The following KLF12 variants were observed in gnomAD, a reference collection of about 807,000 sequenced individuals.
The protein encoded by KLF12 is KLF transcription factor 12, also known as Krueppel-like factor 12.
Under a neutral mutation model 37.8 loss-of-function variants are expected in KLF12, and 9 were observed. That is an observed-to-expected ratio of 0.24 (90% confidence interval 0.14 to 0.42). The LOEUF (loss-of-function observed/expected upper bound fraction) is 0.42. KLF12 is among the 10% of genes least tolerant of loss of function. The probability of loss-of-function intolerance (pLI) is 1.00; values close to 1 mark genes in which losing one functional copy is unlikely to be tolerated. For missense variants in KLF12, 411 were observed against 516.0 expected (o/e 0.80, Z 1.97); for synonymous variants, 208 against 202.1 (o/e 1.03, Z -0.25).
intron 2 of KLF12, among the ~76,000 whole-genome samples, chr13:73,956,321 TAGAG>T (rs1336439984): frequency 1.3e-5 from 2 of 152,182 alleles, no homozygotes; most frequent in South Asian, 2.1e-4. Flanking sequence ...ATGTTGCCAA[TAGAG>T]AGAGTATATT....
chr13:74,109,146 G>A (rs1486203471), intron 1 of KLF12, among the ~76,000 whole-genome samples: 2 of 152,020 alleles, frequency 1.3e-5, no homozygotes, highest in African/African-American at 4.8e-5. Context: ...TGATAAAACA[G>A]ATAAATCATC....
intron 6 of KLF12, among the ~76,000 whole-genome samples, chr13:73,754,137 T>C (rs1317509912): frequency 6.6e-6 from 1 of 152,136 alleles, no homozygotes; most frequent in Non-Finnish European, 1.5e-5. Context: ...TAGTGCCCCC[T>C]GGGGTTGTGC....
the KLF12 span, among the ~76,000 whole-genome samples, chr13:74,300,318 T>C: frequency 1.3e-5 from 2 of 152,290 alleles, no homozygotes; most frequent in African/African-American, 4.8e-5. Context: ...TCTTGATTGC[T>C]GGCATATTTC....
chr13:74,263,208 G>A, the KLF12 span, among the ~76,000 whole-genome samples: 2 of 152,112 alleles, frequency 1.3e-5, no homozygotes, highest in African/African-American at 4.8e-5. Context: ...AAAAAATAAT[G>A]TAATGCTCCT....
chr13:73,689,020 G>C lies in KLF12; in HGVS notation c.*6470C>G, dbSNP rs76285113. 6.6e-6 allele frequency: 1 copy of C among 152,016 alleles called. No individual in the cohort carries two copies. Among genetic ancestry groups the C allele is most frequent in the African/African-American group, 2.4e-5 (1 of 41,382 alleles). 9.4% of individuals were successfully genotyped at this position (152,016 alleles called of 1,614,324 possible). A position where few individuals can be genotyped will look rare whatever the true frequency, so the allele number is the denominator to read the frequency against. On this transcript the variant is annotated 3_prime_UTR_variant, in exon 8 of 8. Coordinates refer to ENST00000377669, the MANE Select transcript of KLF12 (RefSeq NM_007249.5). Reference sequence around the variant, plus strand: ...AAATGTTGTACAGGTTGCAGGTAACGTATCTAAAAATTGCCTAGTCTATTG... The same window carrying C: ...AAATGTTGTACAGGTTGCAGGTAACCTATCTAAAAATTGCCTAGTCTATTG...
chr13:74,028,769 G>A (rs1038279738), intron 1 of KLF12, among the ~76,000 whole-genome samples: 5 of 151,862 alleles, frequency 3.3e-5, no homozygotes, highest in Non-Finnish European at 7.4e-5. Context: ...ATGTGTAAGA[G>A]AAGGAAGACA....
chr13:74,010,019 G>A (rs776665636), intron 1 of KLF12, among the ~76,000 whole-genome samples: 4 of 150,250 alleles, frequency 2.7e-5, no homozygotes, highest in East Asian at 2.0e-4. Flanking sequence ...GTGAGATCTC[G>A]GCTCACTGCA....
At chr13:73,723,206 C>A (rs1483703384) in intron 6 of KLF12, among the ~76,000 whole-genome samples, 1 of 151,980 alleles carries the variant, frequency 6.6e-6, no homozygotes, top group East Asian at 1.9e-4. Flanking sequence ...TGTTGGCTAA[C>A]AAAAAAATGC....
chr13:74,300,048 A>AG, the KLF12 span, among the ~76,000 whole-genome samples: 1 of 152,154 alleles, frequency 6.6e-6, no homozygotes, highest in Non-Finnish European at 1.5e-5. Flanking sequence ...GGAAAAAAAA[A>AG]CCATTGTAAA....
At chr13:74,291,696 A>G in the KLF12 span, among the ~76,000 whole-genome samples, 1 of 152,228 alleles carries the variant, frequency 6.6e-6, no homozygotes, top group Non-Finnish European at 1.5e-5. Context: ...GGATGACTAT[A>G]TATGGAATAG....
the KLF12 span, among the ~76,000 whole-genome samples, chr13:74,262,833 G>A: frequency 1.1e-4 from 16 of 151,916 alleles, no homozygotes; most frequent in African/African-American, 2.9e-4. Context: ...ATATATGTAC[G>A]TATATATGTA....
chr13:74,138,876 CT>C (rs2139056093), upstream of KLF12, among the ~76,000 whole-genome samples: 1 of 152,296 alleles, frequency 6.6e-6, no homozygotes, highest in South Asian at 2.1e-4. Context: ...ATACCTCATA[CT>C]TTCCCCTCCA....
intron 6 of KLF12, among the ~76,000 whole-genome samples, chr13:73,718,234 C>CA (rs1047161874): frequency 1.3e-5 from 2 of 151,944 alleles, no homozygotes; most frequent in African/African-American, 2.4e-5. Flanking sequence ...AAAAGCCAAC[C>CA]AAAAAAACCC....
the KLF12 span, among the ~76,000 whole-genome samples, chr13:74,163,854 C>T: frequency 1.3e-5 from 2 of 149,360 alleles, no homozygotes; most frequent in Non-Finnish European, 3.0e-5. Flanking sequence ...TATATATACA[C>T]CTACTATGTA....
At chr13:73,720,831 T>C (rs1472015307) in intron 6 of KLF12, among the ~76,000 whole-genome samples, 1 of 152,142 alleles carries the variant, frequency 6.6e-6, no homozygotes, top group Non-Finnish European at 1.5e-5. Context: ...TCGTCATGTG[T>C]GACCTTAGCA....
In KLF12 at chr13:73,695,290, G is replaced by A. The variant is rs1180820462; in HGVS notation, c.*200C>T. On this transcript the variant is annotated 3_prime_UTR_variant, in exon 8 of 8. Coordinates refer to ENST00000377669, the MANE Select transcript of KLF12 (RefSeq NM_007249.5). ...TATGTCACTGAGCTCCCAGGCCCGG[G>A]TAAAGACGGTTCTCGTCTAGTCATG... 8.9e-6 allele frequency: 5 copies of A among 561,490 alleles called. No individual in the cohort carries two copies. Among genetic ancestry groups the A allele is most frequent in the African/African-American group, 3.8e-5 (2 of 53,246 alleles). 34.8% of individuals were successfully genotyped at this position (561,490 alleles called of 1,614,324 possible).
chr13:73,857,432 C>T (rs776431572), intron 3 of KLF12, among the ~76,000 whole-genome samples: 4 of 152,088 alleles, frequency 2.6e-5, no homozygotes, highest in Admixed American at 1.3e-4. Flanking sequence ...TCTAGGGAAA[C>T]TTCATATGTT....
intron 5 of KLF12, among the ~76,000 whole-genome samples, chr13:73,799,676 C>G (rs564959102): frequency 1.3e-5 from 2 of 152,156 alleles, no homozygotes; most frequent in Non-Finnish European, 2.9e-5. Flanking sequence ...ATATTTTAAC[C>G]TTTTGATTAA....
rs142434909 is a variant in KLF12, at chr13:73,716,680, T to G, written c.870-1155A>C. The stretch of plus-strand genomic sequence containing the variant: ...CTGCATTTACAGACATTCATTTTTT[T>G]TGTGTGTTTTTTAAGTCATATGAAT... On this transcript the variant is annotated intron_variant, in intron 6 of 7. Transcript: ENST00000377669. Among the ~76,000 whole-genome samples the G allele has an allele frequency of 3.6e-3, 547 of 152,292 alleles. 1 individual carries two copies. Among genetic ancestry groups the G allele is most frequent in the African/African-American group, 9.1e-3 (380 of 41,574 alleles).
Sources: gnomAD v4.1 joint callset for allele counts (sites outside exome capture counted in the v4.1 genomes callset) on GRCh38, gnomAD v4.1.1 for gene constraint, MANE v1.5 for transcripts, NCBI Gene and HGNC (gene_info 2026-07-23, HGNC 2026-07-21) for gene names.